The following CACNA1D variants were observed in gnomAD, a reference collection of about 807,000 sequenced individuals.
The protein encoded by CACNA1D is voltage-dependent L-type calcium channel subunit alpha-1D.
In CACNA1D, 55 loss-of-function variants were observed where a neutral mutation model predicts 257.1. The observed-to-expected ratio is 0.21, with a 90% CI of 0.17 to 0.27. The LOEUF (loss-of-function observed/expected upper bound fraction) is 0.27. Among genes scored for constraint, CACNA1D ranks in the 10% least tolerant of loss-of-function variants. CACNA1D has a pLI of 1.00. For synonymous variants in CACNA1D, 980 were observed against 1,014.9 expected, an observed-to-expected ratio of 0.97 and a Z score of 0.65; for missense variants, 1,876 against 2,784.0, an observed-to-expected ratio of 0.67 and a Z score of 7.34.
intron 3 of CACNA1D, among the ~76,000 whole-genome samples, chr3:53,515,920 G>GCT (rs961575198): frequency 6.6e-6 from 1 of 152,062 alleles, no homozygotes; most frequent in Non-Finnish European, 1.5e-5. Flanking sequence ...CCCTGCTCTG[G>GCT]CTCTCTCTCT....
Position 53,731,156 on chromosome 3 carries a change from C to T in CACNA1D, c.2406+10C>T, listed in dbSNP as rs2108762780. On this transcript the variant is annotated intron_variant, in intron 17 of 47. Transcript: ENST00000350061. ...CAACAGTGACAACAAGGTATGTATT[C>T]TAAGATGCTTCTCCCCTTTTTGTTT... The T allele has an allele frequency of 6.4e-7, 1 of 1,573,716 alleles. No individual in the cohort carries two copies. The highest frequency in any genetic ancestry group is 8.7e-7 in the Non-Finnish European group (1 of 1,143,280).
intron 14 of CACNA1D, among the ~76,000 whole-genome samples, chr3:53,725,002 G>GTTTT (rs2094920676): frequency 2.1e-5 from 1 of 47,076 alleles, no homozygotes. Context: ...AGAAACTGGT[G>GTTTT]TCTTTTTTTT....
intron 3 of CACNA1D, among the ~76,000 whole-genome samples, chr3:53,554,313 T>C (rs2092598398): frequency 6.6e-6 from 1 of 152,218 alleles, no homozygotes; most frequent in Non-Finnish European, 1.5e-5. Context: ...ATGTCTAGTA[T>C]TGTACCACAG....
chr3:53,586,286 G>GTT (rs145210421), intron 3 of CACNA1D, among the ~76,000 whole-genome samples: 2 of 142,068 alleles, frequency 1.4e-5, no homozygotes, highest in Admixed American at 6.8e-5. Context: ...CTGTGTGTGT[G>GTT]TGTGTGTGTG....
chr3:53,653,274 C>T (rs2094116583), intron 4 of CACNA1D, among the ~76,000 whole-genome samples: 1 of 151,978 alleles, frequency 6.6e-6, no homozygotes, highest in South Asian at 2.1e-4. Flanking sequence ...AACTGATATG[C>T]TAACTGAACT....
chr3:53,694,576 C>T lies in CACNA1D; in HGVS notation c.1221-8065C>T, dbSNP rs184500316. Among the ~76,000 whole-genome samples the T allele has an allele frequency of 5.9e-4, 90 of 152,288 alleles. No homozygotes were observed. In the Middle Eastern group the frequency reaches 0.01, roughly 17 times the overall value. On this transcript the variant is annotated intron_variant, in intron 8 of 47. Transcript: ENST00000350061. ...CAGCAACAATGCCTCGTTGAGCCTC[C>T]GTGTTGGCCTTTGTGAAATGGATGT...
chr3:53,509,173 G>A (rs1048534546), intron 3 of CACNA1D, among the ~76,000 whole-genome samples: 2 of 151,904 alleles, frequency 1.3e-5, no homozygotes, highest in African/African-American at 2.4e-5. Flanking sequence ...GTGTTTGGCT[G>A]GGCAGGCAAA....
chr3:53,495,698 CT>C lies in CACNA1D; in HGVS notation c.67+466del, dbSNP rs1365726773. The stretch of plus-strand genomic sequence containing the variant: ...AATTCTAGGATTGCCCGGTTTCGCC[CT>C]CCGCGCCGGTGGGTGAAGCACACCC... On this transcript the variant is annotated intron_variant, in intron 1 of 47. Transcript: ENST00000350061. The surrounding 1 kb of genome is among the most constrained non-coding windows in gnomAD (Gnocchi z 5.1). Among the ~76,000 whole-genome samples the C allele has an allele frequency of 6.6e-6, 1 of 152,280 alleles. No homozygotes were observed. The highest frequency in any genetic ancestry group is 2.4e-5 in the African/African-American group (1 of 41,482).
At chr3:53,742,477 A>G (rs370809760) in intron 21 of CACNA1D, among the ~76,000 whole-genome samples, 10 of 152,282 alleles carry the variant, frequency 6.6e-5, no homozygotes, top group African/African-American at 2.4e-4. Flanking sequence ...TCAGACTTGG[A>G]GGAATTGCTT....
intron 3 of CACNA1D, among the ~76,000 whole-genome samples, chr3:53,597,315 C>A (rs951782270): frequency 1.3e-5 from 2 of 152,130 alleles, no homozygotes; most frequent in African/African-American, 4.8e-5. Flanking sequence ...CAATTGATAG[C>A]TGGGATGGAA....
At chr3:53,627,641 A>G (rs1453892949) in intron 3 of CACNA1D, among the ~76,000 whole-genome samples, 1 of 148,486 alleles carries the variant, frequency 6.7e-6, no homozygotes. Context: ...TGGAAAAGGG[A>G]TGGTTGATTA....
intron 7 of CACNA1D, among the ~76,000 whole-genome samples, chr3:53,669,572 G>A (rs183561002): frequency 1.3e-5 from 2 of 152,204 alleles, no homozygotes; most frequent in African/African-American, 2.4e-5. Context: ...TTCAGTCAGC[G>A]TTCTCAAGCT....
intron 3 of CACNA1D, among the ~76,000 whole-genome samples, chr3:53,607,687 C>A (rs914194998): frequency 1.3e-5 from 2 of 152,152 alleles, no homozygotes; most frequent in African/African-American, 4.8e-5. Flanking sequence ...GCATGTAGCT[C>A]TATGATTCAT....
intron 40 of CACNA1D, among the ~76,000 whole-genome samples, chr3:53,787,548 G>A (rs2095461850): frequency 6.6e-6 from 1 of 152,002 alleles, no homozygotes; most frequent in African/African-American, 2.4e-5. Context: ...GCCCCAGCCA[G>A]CCTCTGGTCC....
chr3:53,500,072 G>A lies in CACNA1D; in HGVS notation c.378-1543G>A, dbSNP rs2090526589. Among the ~76,000 whole-genome samples the A allele has an allele frequency of 4.0e-5, 6 of 151,702 alleles. No individual in the cohort carries two copies. The South Asian group carries it at 1.0e-3, about 26-fold the overall frequency. ...TTTCGTTGAGTTATGAAAGCTCTTC[G>A]AAGATGAAGGTTTTATGAAACTCAA... On this transcript the variant is annotated intron_variant, in intron 2 of 47. Coordinates refer to ENST00000350061, the MANE Select transcript of CACNA1D (RefSeq NM_001128840.3).
At chr3:53,718,839 T>A in intron 10 of CACNA1D, 1 of 1,103,996 alleles carries the variant, frequency 9.1e-7, no homozygotes, top group Non-Finnish European at 1.3e-6. Flanking sequence ...GCTACGTATT[T>A]AAGTTTTCCT....
intron 3 of CACNA1D, among the ~76,000 whole-genome samples, chr3:53,617,166 ACT>A (rs1255697925): frequency 2.0e-5 from 3 of 151,900 alleles, no homozygotes; most frequent in African/African-American, 7.3e-5. Flanking sequence ...GTCTCACGAT[ACT>A]CACTGTTGAT....
chr3:53,676,014 A>G (rs888579419), intron 8 of CACNA1D, among the ~76,000 whole-genome samples: 7 of 152,220 alleles, frequency 4.6e-5, no homozygotes, highest in African/African-American at 1.4e-4. Flanking sequence ...TGATTTGGCC[A>G]GTATTTCCTG....
chr3:53,773,013 C>A, intron 33 of CACNA1D, 115 bp downstream of exon 33: 1 of 892,524 alleles, frequency 1.1e-6, no homozygotes, highest in East Asian at 2.4e-5. Context: ...AGCCAAATGC[C>A]TCTGCTGAAG....
Sources: allele counts gnomAD v4.1 joint callset (sites outside exome capture counted in the v4.1 genomes callset), GRCh38; gene constraint gnomAD v4.1.1; non-coding constraint Gnocchi (gnomAD v3.1); transcripts MANE v1.5; gene names NCBI Gene and HGNC (gene_info 2026-07-23, HGNC 2026-07-21).